The following RIMS2 variants were observed in gnomAD, a reference collection of about 807,000 sequenced individuals.
RIMS2 encodes regulating synaptic membrane exocytosis 2.
Under a neutral mutation model 174.4 loss-of-function variants are expected in RIMS2, and 59 were observed. That is an observed-to-expected ratio of 0.34 (90% CI 0.27 to 0.42). The LOEUF is 0.42. RIMS2 is among the 10% of genes least tolerant of loss of function. The probability of loss-of-function intolerance (pLI) is 1.00; values close to 1 mark genes in which losing one functional copy is unlikely to be tolerated. For synonymous variants in RIMS2, 606 were observed against 572.5 expected, an observed-to-expected ratio of 1.06 and a Z score of -0.84; for missense variants, 1,620 against 1,666.3, an observed-to-expected ratio of 0.97 and a Z score of 0.48.
intron 19 of RIMS2, among the ~76,000 whole-genome samples, chr8:104,231,931 T>C (rs1466214603): frequency 6.6e-6 from 1 of 152,216 alleles, no homozygotes; most frequent in Non-Finnish European, 1.5e-5. Context: ...GATTACCTTA[T>C]CATGCAGTGC....
At chr8:103,714,701 G>A (rs2097347977) in intron 2 of RIMS2, among the ~76,000 whole-genome samples, 1 of 152,130 alleles carries the variant, frequency 6.6e-6, no homozygotes, top group Non-Finnish European at 1.5e-5. Context: ...GGAAATATCA[G>A]AGGTGGAAAA....
At chr8:104,185,640 A>G (rs2098964029) in intron 19 of RIMS2, among the ~76,000 whole-genome samples, 1 of 151,720 alleles carries the variant, frequency 6.6e-6, no homozygotes, top group South Asian at 2.1e-4. Context: ...GACAATGCTC[A>G]TTATCATTAT....
In RIMS2 at chr8:103,640,050, G is replaced by A. The variant is rs145497008; in HGVS notation, c.177-57036G>A. ...TTGTAGTTTTCCTTTTATAGATTTG[G>A]TATGTATTTGTTTGGTTTATGTATG... On this transcript the variant is annotated intron_variant, in intron 1 of 23. Coordinates refer to ENST00000504942, the Ensembl canonical transcript of RIMS2. Among the ~76,000 whole-genome samples the A allele has an allele frequency of 6.2e-3, 943 of 151,688 alleles. 5 individuals carry two copies. Among genetic ancestry groups the A allele is most frequent in the Non-Finnish European group, 0.01 (698 of 67,730 alleles).
chr8:103,737,597 T>C (rs931714117), intron 2 of RIMS2, among the ~76,000 whole-genome samples: 2 of 152,186 alleles, frequency 1.3e-5, no homozygotes, highest in African/African-American at 2.4e-5. Flanking sequence ...CATTCTTACA[T>C]GCTTACTCAC....
rs79262999 is a variant in RIMS2 at position 104,054,018 on chromosome 8, A to G, written c.3334+39403A>G. On this transcript the variant is annotated intron_variant, in intron 19 of 23. Coordinates refer to ENST00000504942, the Ensembl canonical transcript of RIMS2. ...CAGCTGTATTTAACATCCTCAATGTAACAAGTTTTCACACAAGGGCATTTG... is the reference window on the plus strand; with the variant it reads ...CAGCTGTATTTAACATCCTCAATGTGACAAGTTTTCACACAAGGGCATTTG... Among the ~76,000 whole-genome samples, 137 of 152,274 alleles carry G rather than the reference A, an allele frequency of 9.0e-4. 3 individuals are homozygous for G. In the East Asian group the frequency reaches 0.025, roughly 28 times the overall value.
intron 17 of RIMS2, among the ~76,000 whole-genome samples, chr8:104,010,008 G>GGATGGACGGACA (rs1229935945): frequency 3.3e-5 from 5 of 151,690 alleles, no homozygotes; most frequent in African/African-American, 1.2e-4. Flanking sequence ...ATGGATGGAT[G>GGATGGACGGACA]GATGGACGGA....
intron 19 of RIMS2, among the ~76,000 whole-genome samples, chr8:104,112,733 C>T (rs754150017): frequency 1.2e-4 from 18 of 152,130 alleles, no homozygotes; most frequent in Non-Finnish European, 2.2e-4. Context: ...TTCATGGGAG[C>T]AAAGTCTTCA....
In RIMS2 at chr8:104,244,014, C is replaced by T. The variant is rs78314199; in HGVS notation, c.3335-902C>T. Among the ~76,000 whole-genome samples the T allele has an allele frequency of 3.3e-5, 5 of 152,240 alleles. No individual in the cohort carries two copies. In the East Asian group the frequency reaches 7.7e-4, roughly 24 times the overall value. On this transcript the variant is annotated intron_variant, in intron 19 of 23. Coordinates refer to ENST00000504942, the Ensembl canonical transcript of RIMS2. ...TTTGCCATGCTGTTTCCCTTGCTTA[C>T]GAAGCTCTCTTCTCACCTCTCGTTA...
chr8:104,112,714 A>T (rs150874233), intron 19 of RIMS2, among the ~76,000 whole-genome samples: 45 of 152,282 alleles, frequency 3.0e-4, no homozygotes, highest in African/African-American at 1.1e-3. Flanking sequence ...GGCATACTGA[A>T]ATTTTAGGTT....
At chr8:104,053,964 A>G (rs2096829691) in intron 19 of RIMS2, among the ~76,000 whole-genome samples, 1 of 152,168 alleles carries the variant, frequency 6.6e-6, no homozygotes, top group Admixed American at 6.5e-5. Flanking sequence ...GATATTTAAC[A>G]TCCATGGAGA....
At chr8:103,737,539 G>A (rs558603218) in intron 2 of RIMS2, among the ~76,000 whole-genome samples, 3 of 150,428 alleles carry the variant, frequency 2.0e-5, no homozygotes, top group Admixed American at 7.1e-5. Flanking sequence ...CCTTTCATAC[G>A]TCTACTAGGA....
At chr8:103,512,688 T>G (rs796530722) in intron 1 of RIMS2, among the ~76,000 whole-genome samples, 23 of 152,172 alleles carry the variant, frequency 1.5e-4, no homozygotes, top group African/African-American at 5.1e-4. Context: ...ACCAGGAGAA[T>G]TTGTTGAAAA....
At chr8:104,081,691 A>C (rs539897716) in intron 19 of RIMS2, among the ~76,000 whole-genome samples, 1 of 152,180 alleles carries the variant, frequency 6.6e-6, no homozygotes, top group African/African-American at 2.4e-5. Context: ...AAAGAAATAG[A>C]CCTTATAATA....
chr8:104,019,237 T>G (rs2096017401), intron 19 of RIMS2, among the ~76,000 whole-genome samples: 1 of 152,172 alleles, frequency 6.6e-6, no homozygotes, highest in East Asian at 1.9e-4. Flanking sequence ...AATCAGTATA[T>G]TTTTATATAC....
chr8:104,098,038 T>A (rs1369029288), intron 19 of RIMS2, among the ~76,000 whole-genome samples: 1 of 152,176 alleles, frequency 6.6e-6, no homozygotes, highest in East Asian at 1.9e-4. Flanking sequence ...GTTAATTAGA[T>A]CTAATTGTAT....
intron 1 of RIMS2, among the ~76,000 whole-genome samples, chr8:103,640,217 G>T (rs975232609): frequency 5.9e-5 from 9 of 151,924 alleles, no homozygotes; most frequent in African/African-American, 1.9e-4. Context: ...TTAATGTCAT[G>T]TGATCAGAAG....
At chr8:103,663,642 C>A (rs558055001) in intron 1 of RIMS2, among the ~76,000 whole-genome samples, 2 of 152,242 alleles carry the variant, frequency 1.3e-5, no homozygotes, top group Admixed American at 6.5e-5. Context: ...AGGACACAAA[C>A]AAATGGAAGA....
chr8:103,763,705 C>T (rs2098137063), intron 2 of RIMS2, among the ~76,000 whole-genome samples: 1 of 152,054 alleles, frequency 6.6e-6, no homozygotes, highest in African/African-American at 2.4e-5. Context: ...ATCCTTCATA[C>T]CTTATGCTCA....
chr8:103,920,397 G>GACA (rs924842962), intron 9 of RIMS2, among the ~76,000 whole-genome samples: 2 of 151,660 alleles, frequency 1.3e-5, no homozygotes, highest in African/African-American at 2.4e-5. Context: ...AAACAACAAC[G>GACA]ACAACAACAA....
Sources: gnomAD v4.1 joint callset for allele counts (sites outside exome capture counted in the v4.1 genomes callset) on GRCh38, gnomAD v4.1.1 for gene constraint, MANE v1.5 for transcripts, NCBI Gene and HGNC (gene_info 2026-07-23, HGNC 2026-07-21) for gene names.